The following DLC1 variants were observed in gnomAD, a reference collection of about 807,000 sequenced individuals.
DLC1 encodes DLC1 Rho GTPase activating protein.
DLC1 carries 54 observed loss-of-function variants against 140.3 expected under a neutral mutation model. The ratio of observed to expected loss-of-function variants is 0.38; its 90% CI spans 0.31 to 0.48. DLC1 has a LOEUF of 0.48. Among genes scored for constraint, DLC1 ranks in the 20% least tolerant of loss-of-function variants. The probability of loss-of-function intolerance (pLI) is 0.96; values close to 1 mark genes in which losing one functional copy is unlikely to be tolerated. For missense variants in DLC1, 2,536 were observed against 1,907.0 expected, an observed-to-expected ratio of 1.33 and a Z score of -6.14; for synonymous variants, 986 against 728.1, an observed-to-expected ratio of 1.35 and a Z score of -5.70.
At chr8:13,233,064 G>C (rs1382296506) in intron 5 of DLC1, among the ~76,000 whole-genome samples, 1 of 152,152 alleles carries the variant, frequency 6.6e-6, no homozygotes, top group Non-Finnish European at 1.5e-5. Flanking sequence ...GGAGGCTGAA[G>C]TGGATGTATC....
At chr8:13,600,628 A>G (rs947347393) in intron 1 of DLC1, among the ~76,000 whole-genome samples, 4 of 152,046 alleles carry the variant, frequency 2.6e-5, no homozygotes, top group South Asian at 4.1e-4. Context: ...ACTCCTGTAC[A>G]TGACTATTTT....
chr8:13,250,556 T>G (rs1393561275), intron 5 of DLC1, among the ~76,000 whole-genome samples: 1 of 152,224 alleles, frequency 6.6e-6, no homozygotes, highest in East Asian at 1.9e-4. Context: ...TCACCATAGT[T>G]TCATAAGACT....
intron 5 of DLC1, among the ~76,000 whole-genome samples, chr8:13,173,985 T>A (rs896679147): frequency 9.8e-5 from 15 of 152,298 alleles, no homozygotes; most frequent in African/African-American, 3.1e-4. Flanking sequence ...TAGTATCCAA[T>A]AGGTCATTTC....
At chr8:13,407,148 A>G (rs527423769) in intron 2 of DLC1, among the ~76,000 whole-genome samples, 6 of 152,352 alleles carry the variant, frequency 3.9e-5, no homozygotes, top group African/African-American at 1.4e-4. Context: ...AAGATGTCCA[A>G]GCCCATGGTG....
intron 1 of DLC1, among the ~76,000 whole-genome samples, chr8:13,582,247 A>G (rs946131698): frequency 1.4e-4 from 21 of 152,186 alleles, no homozygotes; most frequent in African/African-American, 4.6e-4. Flanking sequence ...ACAAAATGAA[A>G]CATTTTGCAT....
At chr8:13,316,250 T>C (rs896842895) in intron 4 of DLC1, among the ~76,000 whole-genome samples, 6 of 151,982 alleles carry the variant, frequency 3.9e-5, no homozygotes, top group Non-Finnish European at 8.8e-5. Flanking sequence ...ACTCACAGAG[T>C]CTGACAAGGT....
intron 2 of DLC1, among the ~76,000 whole-genome samples, chr8:13,445,584 C>G (rs1458692789): frequency 1.3e-5 from 2 of 152,128 alleles, no homozygotes; most frequent in Admixed American, 1.3e-4. Flanking sequence ...AGCACTTGGT[C>G]AATTCCAGAA....
chr8:13,273,038 C>G (rs1020847665), intron 5 of DLC1, among the ~76,000 whole-genome samples: 2 of 152,140 alleles, frequency 1.3e-5, no homozygotes, highest in African/African-American at 4.8e-5. Flanking sequence ...TCATTGGTTT[C>G]CTCTATAATT....
chr8:13,433,676 T>C (rs1290857738), intron 2 of DLC1, among the ~76,000 whole-genome samples: 1 of 152,236 alleles, frequency 6.6e-6, no homozygotes, highest in East Asian at 1.9e-4. Flanking sequence ...TTATGTACAA[T>C]GTCAGGTGTT....
intron 4 of DLC1, among the ~76,000 whole-genome samples, chr8:13,324,841 G>T (rs926809467): frequency 3.3e-5 from 5 of 152,106 alleles, no homozygotes; most frequent in Non-Finnish European, 5.9e-5. Flanking sequence ...GAATCTTGAA[G>T]GTGTTTCGTG....
intron 1 of DLC1, among the ~76,000 whole-genome samples, chr8:13,588,636 G>T (rs75466585): frequency 0.028 from 4,185 of 152,070 alleles, 108 homozygotes; most frequent in East Asian, 0.15. Context: ...TTAAATGAAA[G>T]TTCAAATAAA....
intron 4 of DLC1, among the ~76,000 whole-genome samples, chr8:13,328,069 A>G (rs1729096): frequency 0.99 from 150,601 of 152,306 alleles, 74,481 homozygotes; most frequent in East Asian, 1. Flanking sequence ...GTGATGGAAA[A>G]GGGAGCACAA....
At chr8:13,593,931 A>G (rs901589729) in intron 1 of DLC1, among the ~76,000 whole-genome samples, 1 of 152,264 alleles carries the variant, frequency 6.6e-6, no homozygotes, top group Middle Eastern at 3.4e-3. Flanking sequence ...GAAAATGGAA[A>G]GAAACTGCTA....
intron 2 of DLC1, among the ~76,000 whole-genome samples, chr8:13,441,632 C>A (rs574280147): frequency 6.6e-6 from 1 of 152,120 alleles, no homozygotes; most frequent in East Asian, 1.9e-4. Context: ...GAATAAAATA[C>A]CTAGGAATCC....
At chr8:13,086,001 AT>A in intron 17 of DLC1, 70 bp from the exon 18 acceptor site, 2 of 1,585,894 alleles carry the variant, frequency 1.3e-6, no homozygotes, top group Non-Finnish European at 1.7e-6. Flanking sequence ...AATGAGAAAC[AT>A]CTGTTTGCTA....
At chr8:13,180,756 A>G (rs1197278902) in intron 5 of DLC1, among the ~76,000 whole-genome samples, 13 of 152,236 alleles carry the variant, frequency 8.5e-5, no homozygotes, top group Non-Finnish European at 1.3e-4. Flanking sequence ...TAAGAATTCA[A>G]TTAAAACCAA....
intron 1 of DLC1, among the ~76,000 whole-genome samples, chr8:13,588,808 G>A (rs1380400675): frequency 6.6e-6 from 1 of 151,980 alleles, no homozygotes; most frequent in Non-Finnish European, 1.5e-5. Context: ...CATAGGGGCT[G>A]GGAGAGGTCA....
At chr8:13,238,964 T>C (rs1303454751) in intron 5 of DLC1, among the ~76,000 whole-genome samples, 1 of 152,134 alleles carries the variant, frequency 6.6e-6, no homozygotes, top group Non-Finnish European at 1.5e-5. Context: ...GTCCCTGGCG[T>C]CAGGGCACAC....
intron 2 of DLC1, among the ~76,000 whole-genome samples, chr8:13,410,185 A>G (rs1174602137): frequency 6.6e-6 from 1 of 152,184 alleles, no homozygotes; most frequent in African/African-American, 2.4e-5. Context: ...AAAATAAATT[A>G]AAATTAAAAA....
Sources: gnomAD v4.1 joint callset for allele counts (sites outside exome capture counted in the v4.1 genomes callset) on GRCh38, gnomAD v4.1.1 for gene constraint, MANE v1.5 for transcripts, NCBI Gene and HGNC (gene_info 2026-07-23, HGNC 2026-07-21) for gene names.